OSBPL8: variants seen among roughly 807,000 people sequenced by gnomAD.
The protein encoded by OSBPL8 is oxysterol-binding protein-related protein 8.
In OSBPL8, 59 loss-of-function variants were observed where a neutral mutation model predicts 125.5. The observed-to-expected ratio is 0.47, with a 90% CI of 0.38 to 0.58. The LOEUF (loss-of-function observed/expected upper bound fraction) is 0.58. OSBPL8 is among the 20% of genes least tolerant of loss of function. The pLI, the probability that OSBPL8 is intolerant of heterozygous loss-of-function variation, is 0.00. For synonymous variants in OSBPL8, 330 were observed against 338.9 expected, an observed-to-expected ratio of 0.97 and a Z score of 0.29; for missense variants, 758 against 1,047.8, an observed-to-expected ratio of 0.72 and a Z score of 3.82.
intron 1 of OSBPL8, among the ~76,000 whole-genome samples, chr12:76,506,469 C>G (rs1215471584): frequency 3.3e-5 from 5 of 152,142 alleles, no homozygotes; most frequent in East Asian, 1.9e-4. Context: ...AACCCAAGAT[C>G]AGAGCGCTGA....
At chr12:76,386,076 A>C in intron 14 of OSBPL8, 92 bp downstream of exon 14, 10 of 1,494,266 alleles carry the variant, frequency 6.7e-6, no homozygotes, top group Non-Finnish European at 8.9e-6. Context: ...AGAAAGGCTA[A>C]ATAATATTGA....
At chr12:76,511,029 T>C (rs1417283599) in intron 1 of OSBPL8, among the ~76,000 whole-genome samples, 2 of 152,182 alleles carry the variant, frequency 1.3e-5, no homozygotes, top group Admixed American at 6.6e-5. Flanking sequence ...TAGTATAATA[T>C]ACAATGTAAT....
At chr12:76,508,991 G>C (rs1420201891) in intron 1 of OSBPL8, among the ~76,000 whole-genome samples, 2 of 152,200 alleles carry the variant, frequency 1.3e-5, no homozygotes, top group African/African-American at 4.8e-5. Context: ...TAATAAACTT[G>C]CTTTCACTTT....
At chr12:76,363,388 T>C (rs1040881281) in intron 21 of OSBPL8, among the ~76,000 whole-genome samples, 1 of 152,110 alleles carries the variant, frequency 6.6e-6, no homozygotes, top group African/African-American at 2.4e-5. Context: ...TGGACAAACC[T>C]GACACAAACT....
At position 76,362,296 on chromosome 12, in the gene OSBPL8, G is replaced by A. The variant is rs1032640579; in HGVS notation, c.2329-3485C>T. 1.0e-3 allele frequency among the ~76,000 whole-genome samples: 63 copies of A among 60,136 alleles called. No homozygotes were observed. The Middle Eastern group carries it at 0.031, about 30-fold the overall frequency. 39.5% of individuals were successfully genotyped at this position (60,136 alleles called of 152,430 possible). A position where few individuals can be genotyped will look rare whatever the true frequency, so the allele number is the denominator to read the frequency against. ...ATGCAAAAATCCTCAATAAAATACC[G>A]TCAAACCGAATCCAGCACATCAAAA... On this transcript the variant is annotated intron_variant, in intron 21 of 23. Coordinates refer to ENST00000261183, the MANE Select transcript of OSBPL8 (RefSeq NM_020841.5).
At chr12:76,553,443 C>T (rs1420979069) in intron 1 of OSBPL8, among the ~76,000 whole-genome samples, 8 of 148,498 alleles carry the variant, frequency 5.4e-5, no homozygotes, top group Non-Finnish European at 1.0e-4. Context: ...GTGGGAGAAT[C>T]ATTTGAGGCT....
intron 3 of OSBPL8, among the ~76,000 whole-genome samples, chr12:76,454,237 C>CA (rs565065488): frequency 4.6e-5 from 7 of 152,106 alleles, no homozygotes; most frequent in Non-Finnish European, 7.4e-5. Flanking sequence ...ATGTTCATAG[C>CA]AACACTGTTC....
chr12:76,454,112 C>T (rs147308986), intron 3 of OSBPL8, among the ~76,000 whole-genome samples: 1 of 152,252 alleles, frequency 6.6e-6, no homozygotes, highest in African/African-American at 2.4e-5. Context: ...GATACAAGCA[C>T]TTTGGAAAAC....
chr12:76,534,219 C>T (rs1950427839), intron 1 of OSBPL8: 1 of 152,174 alleles, frequency 6.6e-6, no homozygotes, highest in Non-Finnish European at 1.5e-5. Flanking sequence ...AGTTTGGCAA[C>T]TGCCATTACA....
At chr12:76,372,049 CT>C (rs1220693036) in intron 18 of OSBPL8, among the ~76,000 whole-genome samples, 2 of 152,180 alleles carry the variant, frequency 1.3e-5, no homozygotes, top group Admixed American at 1.3e-4. Context: ...AATAATCTTT[CT>C]ATCTAAGACA....
intron 1 of OSBPL8, among the ~76,000 whole-genome samples, chr12:76,505,185 C>G (rs533908077): frequency 2.0e-5 from 3 of 152,258 alleles, no homozygotes; most frequent in African/African-American, 7.2e-5. Flanking sequence ...TTGGGTTCAT[C>G]TGGGCAGCTG....
At position 76,402,860 on chromosome 12, in the gene OSBPL8, T is replaced by C; in HGVS notation, c.289-94A>G. 3.7e-6 allele frequency: 3 copies of C among 811,778 alleles called. No homozygotes were observed. In the South Asian group the frequency reaches 4.9e-5, roughly 13 times the overall value. The allele number at this position is 811,778 out of a possible 1,614,324, so 50.3% of individuals were successfully genotyped here. On this transcript the variant is annotated intron_variant, in intron 5 of 23. Coordinates refer to ENST00000261183, the MANE Select transcript of OSBPL8 (RefSeq NM_020841.5). ...TTAAAATTATGTGACATTTTTCTCA[T>C]TTATTGCTATGATTTAAGCAAATGT...
chr12:76,555,726 A>T (rs1805624915), intron 1 of OSBPL8, among the ~76,000 whole-genome samples: 1 of 152,196 alleles, frequency 6.6e-6, no homozygotes, highest in African/African-American at 2.4e-5. Flanking sequence ...ACGCTTGTAT[A>T]AGATTCAGTC....
intron 1 of OSBPL8, among the ~76,000 whole-genome samples, chr12:76,525,143 GTGTATAGACCT>G (rs1950136659): frequency 6.6e-6 from 1 of 152,090 alleles, no homozygotes; most frequent in Non-Finnish European, 1.5e-5. Context: ...AACCACTGAG[GTGTATAGACCT>G]TGTTTGAATC....
intron 5 of OSBPL8, among the ~76,000 whole-genome samples, chr12:76,405,901 A>G (rs772737333): frequency 2.6e-5 from 4 of 152,086 alleles, no homozygotes; most frequent in Non-Finnish European, 5.9e-5. Context: ...AGCATGTTAT[A>G]TATTTTTTAC....
In OSBPL8 at chr12:76,378,488, CT is replaced by C; in HGVS notation, c.1692del (p.Asp565IlefsTer3). The C allele has an allele frequency of 6.2e-7, 1 of 1,603,458 alleles. No individual in the cohort carries two copies. The highest frequency in any genetic ancestry group is 8.5e-7 in the Non-Finnish European group (1 of 1,171,750). The part of the protein sequence containing the change: ...EARLTFLNRG[E>X]DYVMTMPYAH... ...GCGTATGGCATTGTCATTACATAAT[CT>C]TCACCTCTATTCAAGAAAGTTAACC... is the stretch of plus-strand genomic sequence containing the variant. On this transcript the variant is annotated frameshift_variant, in exon 16 of 24. Coordinates refer to ENST00000261183, the MANE Select transcript of OSBPL8 (RefSeq NM_020841.5). LOFTEE classifies it high-confidence loss of function.
rs753922084 is a variant in OSBPL8 at position 76,399,857 on chromosome 12, T to C, written c.468+16A>G. 2.5e-6 allele frequency: 4 copies of C among 1,575,386 alleles called. No individual in the cohort carries two copies. The Admixed American group carries it at 5.7e-5, about 23-fold the overall frequency. On this transcript the variant is annotated intron_variant, in intron 7 of 23. Coordinates refer to ENST00000261183, the MANE Select transcript of OSBPL8 (RefSeq NM_020841.5). ...AACATCCAGCAATCTGAATTCATGA[T>C]TCAAAACACACTGACCTTTAACCAA... is the stretch of plus-strand genomic sequence containing the variant.
chr12:76,393,927 G>A (rs1465312011), intron 9 of OSBPL8, among the ~76,000 whole-genome samples: 6 of 151,994 alleles, frequency 3.9e-5, no homozygotes, highest in Non-Finnish European at 7.4e-5. Flanking sequence ...GGCTGAGGCA[G>A]GAGAATCACT....
At chr12:76,538,173 C>T (rs1950549408) in intron 1 of OSBPL8, among the ~76,000 whole-genome samples, 1 of 152,052 alleles carries the variant, frequency 6.6e-6, no homozygotes, top group Non-Finnish European at 1.5e-5. Context: ...ACGACTTTTG[C>T]TTTTTGAACC....
Sources: gnomAD v4.1 joint callset for allele counts (sites outside exome capture counted in the v4.1 genomes callset) on GRCh38, gnomAD v4.1.1 for gene constraint, MANE v1.5 for transcripts, NCBI Gene and HGNC (gene_info 2026-07-23, HGNC 2026-07-21) for gene names.